The following ADAM12 variants were observed in gnomAD, a reference collection of about 807,000 sequenced individuals.
ADAM12 encodes the protein ADAM metallopeptidase domain 12, also known as disintegrin and metalloproteinase domain-containing protein 12.
ADAM12 carries 70 observed loss-of-function variants against 106.4 expected under a neutral mutation model. The ratio of observed to expected loss-of-function variants is 0.66; its 90% CI spans 0.54 to 0.80. The LOEUF is 0.80. Among genes scored for constraint, ADAM12 ranks in the 30% least tolerant of loss-of-function variants. The probability of loss-of-function intolerance (pLI) is 0.00; values close to 1 mark genes in which losing one functional copy is unlikely to be tolerated. For synonymous variants in ADAM12, 420 were observed against 433.5 expected (o/e 0.97, Z 0.39); for missense variants, 1,010 against 1,171.9 (o/e 0.86, Z 2.02).
intron 5 of ADAM12, among the ~76,000 whole-genome samples, chr10:126,131,234 G>T (rs1956300112): frequency 6.6e-6 from 1 of 150,602 alleles, no homozygotes; most frequent in African/African-American, 2.4e-5. Context: ...CCAGGATATA[G>T]GGCCATAACC....
chr10:126,076,751 A>G (rs1955109651), intron 11 of ADAM12, among the ~76,000 whole-genome samples: 1 of 152,192 alleles, frequency 6.6e-6, no homozygotes, highest in Admixed American at 6.5e-5. Flanking sequence ...GATTCTGGAT[A>G]TTAGACCTTT....
intron 1 of ADAM12, among the ~76,000 whole-genome samples, chr10:126,379,882 G>A (rs1422013227): frequency 6.6e-6 from 1 of 152,012 alleles, no homozygotes; most frequent in Admixed American, 6.6e-5. Flanking sequence ...GAATCTTTTG[G>A]CCAAATTGCA....
chr10:126,313,355 C>T (rs2133820553), intron 2 of ADAM12, among the ~76,000 whole-genome samples: 1 of 152,314 alleles, frequency 6.6e-6, no homozygotes, highest in Middle Eastern at 3.4e-3. Flanking sequence ...ATTGGTGACC[C>T]AGACCAACCC....
chr10:126,303,144 T>C (rs1190029618), intron 2 of ADAM12, among the ~76,000 whole-genome samples: 6 of 152,228 alleles, frequency 3.9e-5, no homozygotes, highest in Admixed American at 3.9e-4. Flanking sequence ...TAAAGTACAA[T>C]GTGATCCATT....
chr10:126,311,627 G>A (rs944896121), intron 2 of ADAM12, among the ~76,000 whole-genome samples: 1 of 152,104 alleles, frequency 6.6e-6, no homozygotes, highest in Non-Finnish European at 1.5e-5. Flanking sequence ...AGAGGAGCTG[G>A]AGCTGGAGTT....
At chr10:126,277,102 C>T (rs768023255) in intron 3 of ADAM12, among the ~76,000 whole-genome samples, 70 of 152,022 alleles carry the variant, frequency 4.6e-4, no homozygotes, top group Non-Finnish European at 8.4e-4. Flanking sequence ...GAAACAAAGG[C>T]TTATTTATAA....
At chr10:126,361,997 A>G (rs1393114290) in intron 1 of ADAM12, among the ~76,000 whole-genome samples, 1 of 152,204 alleles carries the variant, frequency 6.6e-6, no homozygotes, top group African/African-American at 2.4e-5. Context: ...ATGAAGAGAC[A>G]ATGTAAGCAT....
intron 3 of ADAM12, among the ~76,000 whole-genome samples, chr10:126,217,136 T>C (rs1958001716): frequency 6.6e-6 from 1 of 152,172 alleles, no homozygotes; most frequent in Non-Finnish European, 1.5e-5. Flanking sequence ...AGAAAACTGA[T>C]TAAGATGAAT....
At chr10:126,303,607 T>C (rs1960718019) in intron 2 of ADAM12, among the ~76,000 whole-genome samples, 1 of 152,100 alleles carries the variant, frequency 6.6e-6, no homozygotes, top group African/African-American at 2.4e-5. Context: ...CCAGGGAATG[T>C]GGTAAAGGAA....
chr10:126,138,325 A>T (rs1412661132), intron 4 of ADAM12, among the ~76,000 whole-genome samples: 1 of 151,782 alleles, frequency 6.6e-6, no homozygotes, highest in African/African-American at 2.4e-5. Flanking sequence ...TGATTTACAG[A>T]TTTTTTTCCC....
intron 6 of ADAM12, among the ~76,000 whole-genome samples, chr10:126,113,902 C>T (rs375412697): frequency 8.0e-5 from 12 of 150,582 alleles, no homozygotes; most frequent in East Asian, 7.8e-4. Context: ...CACCTGACAG[C>T]GAGAAAACAA....
intron 12 of ADAM12, 26 bp downstream of exon 12, chr10:126,071,451 A>T: frequency 6.2e-7 from 1 of 1,611,040 alleles, no homozygotes; most frequent in Non-Finnish European, 8.5e-7. Context: ...GTCTTCTTGT[A>T]TCCTTGTTCT....
At chr10:126,148,888 G>C (rs1267011320) in intron 4 of ADAM12, among the ~76,000 whole-genome samples, 1 of 152,006 alleles carries the variant, frequency 6.6e-6, no homozygotes. Context: ...AGGACCCATT[G>C]TGGGGAAGGT....
At chr10:126,303,047 C>G (rs1960691350) in intron 2 of ADAM12, among the ~76,000 whole-genome samples, 1 of 152,122 alleles carries the variant, frequency 6.6e-6, no homozygotes, top group African/African-American at 2.4e-5. Context: ...GACACTGACA[C>G]CCAGAGGAAA....
intron 4 of ADAM12, among the ~76,000 whole-genome samples, chr10:126,146,695 G>C (rs1956634783): frequency 1.3e-5 from 2 of 152,138 alleles, no homozygotes; most frequent in South Asian, 2.1e-4. Context: ...CTTGCAGTCA[G>C]CTCCTCTCTT....
intron 1 of ADAM12, among the ~76,000 whole-genome samples, chr10:126,345,570 A>G (rs549006928): frequency 6.6e-6 from 1 of 152,048 alleles, no homozygotes; most frequent in African/African-American, 2.4e-5. Context: ...CTCTTTTTCT[A>G]TTGGTTGGAA....
intron 1 of ADAM12, among the ~76,000 whole-genome samples, chr10:126,379,869 A>AAGG (rs1856429993): frequency 6.6e-6 from 1 of 152,128 alleles, no homozygotes; most frequent in Admixed American, 6.5e-5. Context: ...CACATAATAC[A>AAGG]AGGAATCTTT....
chr10:126,052,522 CA>C (rs1216247636), intron 14 of ADAM12, among the ~76,000 whole-genome samples: 7 of 152,188 alleles, frequency 4.6e-5, no homozygotes. Flanking sequence ...TCAGTTGATA[CA>C]TTTGTTTTCC....
In ADAM12 at chr10:126,086,245, G is replaced by A. The variant is rs183558086; in HGVS notation, c.1145+7740C>T. On this transcript the variant is annotated intron_variant, in intron 11 of 22. Transcript: ENST00000448723. ...GAGGCAGCTTTAGTTCTCTCATAAA[G>A]CCCAGATGTGTTCACGGCCACTTCC... 3.4e-3 allele frequency among the ~76,000 whole-genome samples: 515 copies of A among 152,214 alleles called. 3 individuals are homozygous for A. Among genetic ancestry groups the A allele is most frequent in the African/African-American group, 0.012 (486 of 41,530 alleles).
Sources: gnomAD v4.1 joint callset for allele counts (sites outside exome capture counted in the v4.1 genomes callset) on GRCh38, gnomAD v4.1.1 for gene constraint, MANE v1.5 for transcripts, NCBI Gene and HGNC (gene_info 2026-07-23, HGNC 2026-07-21) for gene names.